Variants in NUCKS1 observed in about 807,000 individuals in gnomAD.
The protein encoded by NUCKS1 is nuclear ubiquitous casein and cyclin-dependent kinase substrate 1.
Under a neutral mutation model 33.0 loss-of-function variants are expected in NUCKS1, and 2 were observed. The observed-to-expected ratio is 0.06, with a 90% CI of 0.02 to 0.19. The LOEUF (loss-of-function observed/expected upper bound fraction) is 0.19, where lower values mean the gene tolerates loss of function less well. Among genes scored for constraint, NUCKS1 ranks in the 10% least tolerant of loss-of-function variants. The probability of loss-of-function intolerance (pLI) is 1.00; values close to 1 mark genes in which losing one functional copy is unlikely to be tolerated. For missense variants in NUCKS1, 201 were observed against 293.6 expected, an observed-to-expected ratio of 0.68 and a Z score of 2.31; for synonymous variants, 106 against 102.8, an observed-to-expected ratio of 1.03 and a Z score of -0.19.
chr1:205,735,697 G>A (rs1654017140), intron 1 of NUCKS1, among the ~76,000 whole-genome samples: 1 of 152,148 alleles, frequency 6.6e-6, no homozygotes, highest in African/African-American at 2.4e-5. Flanking sequence ...CAAGAGTGTT[G>A]AGAACATTTC....
rs763232729 is a variant in NUCKS1 at position 205,720,623 on chromosome 1, T to C, written c.260A>G (p.Lys87Arg). The change falls in exon 5 of 7, where the codon AAA (lysine) becomes AGA (arginine). Residue 87 changes from lysine (K) to arginine (R), a missense_variant. Lys to Arg is a conservative substitution (Grantham distance 26, BLOSUM62 2). Coordinates refer to ENST00000367142, the MANE Select transcript of NUCKS1 (RefSeq NM_022731.5). ...EDSEDEKEDH[K>R]NVRQQRQAAS... is the part of the protein sequence containing the mutation. ...CGCCTGCCGTTGTTGGCGCACATTT[T>C]TATGATCTTCTTTTTCATCTTCACT... is the stretch of plus-strand genomic sequence containing the variant. 1.2e-6 allele frequency: 2 copies of C among 1,613,998 alleles called. No homozygotes were observed. The highest frequency in any genetic ancestry group is 1.7e-5 in the Admixed American group (1 of 59,986).
At chr1:205,749,148 C>G (rs745484524) in intron 1 of NUCKS1, among the ~76,000 whole-genome samples, 2 of 152,214 alleles carry the variant, frequency 1.3e-5, no homozygotes, top group Non-Finnish European at 2.9e-5. Flanking sequence ...ACGAGAACCA[C>G]ACGGGATTTG....
Position 205,718,399 on chromosome 1 carries a change from G to A in NUCKS1, c.613C>T (p.Pro205Ser), listed in dbSNP as rs867369059. 1 of 1,613,188 alleles carries A rather than the reference G, an allele frequency of 6.2e-7. No homozygotes were observed. Among genetic ancestry groups the A allele is most frequent in the African/African-American group, 1.3e-5 (1 of 74,786 alleles). Reference protein sequence around the residue: ...SKASKEKTPSPKEEDEEPESP... With the variant: ...SKASKEKTPSSKEEDEEPESP... ...TCCGGTTCCTCATCTTCTTCTTTGG[G>A]AGAAGGAGTCTTTTCCTTTGATGCC... The change falls in exon 7 of 7, where the codon CCC becomes TCC. Residue 205 changes from proline to serine, a missense_variant. Transcript: ENST00000367142.
chr1:205,736,427 T>C (rs1011742667), intron 1 of NUCKS1, among the ~76,000 whole-genome samples: 6 of 152,156 alleles, frequency 3.9e-5, no homozygotes, highest in Non-Finnish European at 7.3e-5. Flanking sequence ...TACTGGACCC[T>C]AGACAATCTA....
At chr1:205,739,620 C>A (rs1333798154) in intron 1 of NUCKS1, among the ~76,000 whole-genome samples, 1 of 151,998 alleles carries the variant, frequency 6.6e-6, no homozygotes, top group African/African-American at 2.4e-5. Flanking sequence ...GGACTACAGG[C>A]ACTGGCTAAT....
At chr1:205,734,785 C>T (rs1053693157) in intron 1 of NUCKS1, among the ~76,000 whole-genome samples, 4 of 152,056 alleles carry the variant, frequency 2.6e-5, no homozygotes, top group Admixed American at 2.0e-4. Flanking sequence ...ATCCCAGCTA[C>T]TCGGGAGGCT....
Position 205,745,004 on chromosome 1 carries a change from T to G in NUCKS1, c.17+4953A>C, listed in dbSNP as rs550547379. On this transcript the variant is annotated intron_variant, in intron 1 of 6. Coordinates refer to ENST00000367142, the MANE Select transcript of NUCKS1 (RefSeq NM_022731.5). ...CTAGTGATGGTACATTACTATACAG[T>G]ACATGCATCCTGTTACCTTTTGGGA... Among the ~76,000 whole-genome samples the G allele has an allele frequency of 8.5e-5, 13 of 152,350 alleles. No homozygotes were observed. In the South Asian group the frequency reaches 2.7e-3, roughly 32 times the overall value.
intron 1 of NUCKS1, among the ~76,000 whole-genome samples, chr1:205,732,806 T>C (rs1344697644): frequency 8.5e-5 from 9 of 105,670 alleles, no homozygotes; most frequent in Non-Finnish European, 1.9e-4. Flanking sequence ...GTTAAGATGG[T>C]AAATTTTATG....
Position 205,716,851 on chromosome 1 carries a change from A to C in NUCKS1, c.*1429T>G, listed in dbSNP as rs910626516. On this transcript the variant is annotated 3_prime_UTR_variant, in exon 7 of 7. Transcript: ENST00000367142. ...ATAAGGCGTGTAAAAGTCGGTTTTCAACTGCACACAGGCCTCCTAAAATGC... is the reference window on the plus strand; with the variant it reads ...ATAAGGCGTGTAAAAGTCGGTTTTCCACTGCACACAGGCCTCCTAAAATGC... The C allele has an allele frequency of 2.6e-5, 4 of 152,150 alleles. No individual in the cohort carries two copies. The highest frequency in any genetic ancestry group is 5.9e-5 in the Non-Finnish European group (4 of 68,030). The allele number at this position is 152,150 out of a possible 1,614,324, so 9.4% of individuals were successfully genotyped here. A position where few individuals can be genotyped will look rare whatever the true frequency, so the allele number is the denominator to read the frequency against.
At chr1:205,744,291 C>T (rs1259104226) in intron 1 of NUCKS1, among the ~76,000 whole-genome samples, 1 of 152,156 alleles carries the variant, frequency 6.6e-6, no homozygotes, top group Non-Finnish European at 1.5e-5. Flanking sequence ...GTTAGGTGAA[C>T]TGTGTAGTTA....
At chr1:205,744,849 C>G (rs1571590269) in intron 1 of NUCKS1, among the ~76,000 whole-genome samples, 1 of 152,010 alleles carries the variant, frequency 6.6e-6, no homozygotes, top group East Asian at 1.9e-4. Context: ...TCAGGCTGGT[C>G]TCGAACTCCC....
intron 1 of NUCKS1, among the ~76,000 whole-genome samples, chr1:205,747,807 A>T (rs888462406): frequency 2.0e-5 from 3 of 152,246 alleles, no homozygotes; most frequent in South Asian, 2.1e-4. Flanking sequence ...CTTTGAAACA[A>T]CATCATTTCC....
chr1:205,746,441 TCTCTCTCTCTCTCACA>T (rs796358343), intron 1 of NUCKS1, among the ~76,000 whole-genome samples: 7 of 40,750 alleles, frequency 1.7e-4, no homozygotes, highest in South Asian at 1.4e-3. Flanking sequence ...CTCACTTCTC[TCTCTCTCTCTCTCACA>T]CACACACACA....
chr1:205,739,471 ATTTT>A (rs932916699), intron 1 of NUCKS1, among the ~76,000 whole-genome samples: 1 of 149,478 alleles, frequency 6.7e-6, no homozygotes, highest in African/African-American at 2.5e-5. Flanking sequence ...CACAACTCAA[ATTTT>A]TTTTTTTCTT....
rs952345233 is a variant in NUCKS1, at chr1:205,714,552, C to G, written c.*3728G>C. 2.0e-5 allele frequency: 3 copies of G among 152,062 alleles called. No individual in the cohort carries two copies. Among genetic ancestry groups the G allele is most frequent in the African/African-American group, 7.2e-5 (3 of 41,484 alleles). 9.4% of individuals were successfully genotyped at this position (152,062 alleles called of 1,614,324 possible). A position where few individuals can be genotyped will look rare whatever the true frequency, so the allele number is the denominator to read the frequency against. On this transcript the variant is annotated 3_prime_UTR_variant, in exon 7 of 7. Transcript: ENST00000367142. ...GGATTCAAAAAGAATCATTTTGTAT[C>G]GAATTTACCCCAGACAAAGGGAAAA...
At chr1:205,742,811 CGA>C (rs1491147978) in intron 1 of NUCKS1, among the ~76,000 whole-genome samples, 1 of 151,784 alleles carries the variant, frequency 6.6e-6, no homozygotes, top group Non-Finnish European at 1.5e-5. Context: ...GAGGACAGAG[CGA>C]GACTCGGTCT....
At chr1:205,749,747 G>A (rs963562907) in intron 1 of NUCKS1, among the ~76,000 whole-genome samples, 1 of 151,230 alleles carries the variant, frequency 6.6e-6, no homozygotes, top group Non-Finnish European at 1.5e-5. Context: ...CAGCGGCGCG[G>A]GGCGGGGAGG....
intron 1 of NUCKS1, among the ~76,000 whole-genome samples, chr1:205,737,981 G>A (rs1345797836): frequency 6.6e-6 from 1 of 152,144 alleles, no homozygotes; most frequent in East Asian, 1.9e-4. Context: ...CCACATTAAA[G>A]AAAACTGCTA....
chr1:205,729,242 T>G (rs965663557), intron 2 of NUCKS1, among the ~76,000 whole-genome samples: 2 of 152,194 alleles, frequency 1.3e-5, no homozygotes, highest in Admixed American at 6.5e-5. Flanking sequence ...GTGCTGGGAT[T>G]ACAGGCATGA....
Sources: gnomAD v4.1 joint callset for allele counts (sites outside exome capture counted in the v4.1 genomes callset) on GRCh38, gnomAD v4.1.1 for gene constraint, MANE v1.5 for transcripts, NCBI Gene and HGNC (gene_info 2026-07-23, HGNC 2026-07-21) for gene names.